Variants in AQP7B observed in about 807,000 individuals in gnomAD.
The protein encoded by AQP7B is aquaporin 7B.
At chr2:94,592,722 A>G in the AQP7B span, among the ~76,000 whole-genome samples, 9 of 151,544 alleles carry the variant, frequency 5.9e-5, no homozygotes, top group Non-Finnish European at 1.0e-4. Flanking sequence ...AGATTTATTG[A>G]ATCTACTATG....
At chr2:94,595,525 A>G in the AQP7B span, among the ~76,000 whole-genome samples, 2 of 152,218 alleles carry the variant, frequency 1.3e-5, no homozygotes, top group Admixed American at 1.3e-4. Flanking sequence ...GCAATGGGTG[A>G]TGTTGAAGGC....
chr2:94,596,805 C>T, the AQP7B span, among the ~76,000 whole-genome samples: 1 of 152,270 alleles, frequency 6.6e-6, no homozygotes, highest in East Asian at 1.9e-4. Context: ...ACTCAAGTGA[C>T]TCTCTTGCCT....
chr2:94,587,929 GGACA>G, the AQP7B span, among the ~76,000 whole-genome samples: 1 of 152,078 alleles, frequency 6.6e-6, no homozygotes, highest in South Asian at 2.1e-4. Flanking sequence ...ATAATCAGGA[GGACA>G]GACAGGGTGA....
the AQP7B span, chr2:94,604,019 G>A: frequency 1.2e-4 from 103 of 842,142 alleles, 1 homozygote; most frequent in Admixed American, 1.1e-3. Context: ...GGGCAGCACA[G>A]GAGGGTCCTG....
chr2:94,590,323 C>T, the AQP7B span, among the ~76,000 whole-genome samples: 3 of 152,160 alleles, frequency 2.0e-5, no homozygotes, highest in Admixed American at 6.5e-5. Context: ...GCTGGGATTA[C>T]AGGCACCTAC....
chr2:94,589,980 G>A, the AQP7B span, among the ~76,000 whole-genome samples: 1 of 152,058 alleles, frequency 6.6e-6, no homozygotes, highest in Non-Finnish European at 1.5e-5. Context: ...CCATGGCCAT[G>A]TCAGGCCACC....
At chr2:94,594,908 C>A in the AQP7B span, 13 of 1,261,468 alleles carry the variant, frequency 1.0e-5, no homozygotes, top group Non-Finnish European at 1.5e-5. Context: ...GGGTGGGGCT[C>A]CACCAGGGCT....
the AQP7B span, among the ~76,000 whole-genome samples, chr2:94,592,142 GTCCACT>G: frequency 6.6e-6 from 1 of 152,100 alleles, no homozygotes; most frequent in African/African-American, 2.4e-5. Context: ...TTTCTGCTCT[GTCCACT>G]TCTCTCTCCT....
the AQP7B span, among the ~76,000 whole-genome samples, chr2:94,593,749 G>T: frequency 1.3e-5 from 2 of 152,010 alleles, no homozygotes; most frequent in East Asian, 1.9e-4. Context: ...GCCTCCCAAA[G>T]TGCTGGGATT....
the AQP7B span, chr2:94,602,440 C>A: frequency 1.9e-6 from 3 of 1,563,440 alleles, no homozygotes; most frequent in Non-Finnish European, 2.6e-6. Context: ...GAGCCCTCCT[C>A]TGAGGTTGGG....
At chr2:94,600,704 C>G in the AQP7B span, among the ~76,000 whole-genome samples, 46 of 152,154 alleles carry the variant, frequency 3.0e-4, no homozygotes, top group Non-Finnish European at 4.9e-4. Context: ...ATCGTGAAAC[C>G]CTGTCTCTAC....
chr2:94,602,966 T>G, the AQP7B span: 1 of 1,476,532 alleles, frequency 6.8e-7, no homozygotes, highest in Non-Finnish European at 9.2e-7. Context: ...TAGCCATCGT[T>G]GTTCTCATAC....
the AQP7B span, among the ~76,000 whole-genome samples, chr2:94,599,841 G>A: frequency 1.3e-5 from 2 of 151,542 alleles, no homozygotes; most frequent in Admixed American, 6.6e-5. Context: ...TCTCGAAGAG[G>A]AGTCTACACT....
At chr2:94,604,415 G>A in the AQP7B span, 2 of 1,611,626 alleles carry the variant, frequency 1.2e-6, no homozygotes, top group Non-Finnish European at 1.7e-6. Context: ...GGAGGACTCT[G>A]TGGCGTATGA....
the AQP7B span, among the ~76,000 whole-genome samples, chr2:94,590,582 T>A: frequency 6.6e-6 from 1 of 152,108 alleles, no homozygotes; most frequent in Non-Finnish European, 1.5e-5. Flanking sequence ...GTTGATTAGA[T>A]AATTCAATGA....
the AQP7B span, among the ~76,000 whole-genome samples, chr2:94,601,414 G>A: frequency 6.6e-6 from 1 of 152,210 alleles, no homozygotes; most frequent in African/African-American, 2.4e-5. Context: ...TTGCAAATAG[G>A]CATCTGGCTC....
chr2:94,603,592 A>T, the AQP7B span: 13 of 1,392,608 alleles, frequency 9.3e-6, no homozygotes, highest in Non-Finnish European at 1.1e-5. Context: ...CAGGACAAGA[A>T]CTCTGGATGG....
chr2:94,594,556 T>C, the AQP7B span, among the ~76,000 whole-genome samples: 1 of 152,194 alleles, frequency 6.6e-6, no homozygotes, highest in Non-Finnish European at 1.5e-5. Flanking sequence ...TCTACCCCAG[T>C]TCCTCTCCAT....
chr2:94,593,480 CTTT>C, the AQP7B span, among the ~76,000 whole-genome samples: 4 of 113,946 alleles, frequency 3.5e-5, no homozygotes, highest in Admixed American at 9.7e-5. Flanking sequence ...TCCTCTTCCT[CTTT>C]TTTTTTTTTT....
Sources: allele counts gnomAD v4.1 joint callset (sites outside exome capture counted in the v4.1 genomes callset), GRCh38; gene constraint gnomAD v4.1.1; transcripts MANE v1.5; gene names NCBI Gene and HGNC (gene_info 2026-07-23, HGNC 2026-07-21).